Variants in CCDC60 observed in about 807,000 individuals in gnomAD.
The protein encoded by CCDC60 is coiled-coil domain containing 60.
In CCDC60, 54 loss-of-function variants were observed where a neutral mutation model predicts 63.5. The observed-to-expected ratio is 0.85, with a 90% CI of 0.68 to 1.07. The LOEUF (loss-of-function observed/expected upper bound fraction) is 1.07. Ranked by LOEUF, CCDC60 falls within the 50% of genes least tolerant of loss-of-function variation. The pLI, the probability that CCDC60 is intolerant of heterozygous loss-of-function variation, is 0.00. For missense variants in CCDC60, 651 were observed against 684.3 expected (o/e 0.95, Z 0.54); for synonymous variants, 206 against 238.8 (o/e 0.86, Z 1.27).
intron 2 of CCDC60, among the ~76,000 whole-genome samples, chr12:119,448,238 A>G (rs915192180): frequency 2.0e-5 from 3 of 152,264 alleles, no homozygotes; most frequent in African/African-American, 7.2e-5. Context: ...GATTGTGGAG[A>G]TAATGTCACA....
intron 1 of CCDC60, among the ~76,000 whole-genome samples, chr12:119,354,857 C>T (rs956061436): frequency 6.6e-6 from 1 of 152,160 alleles, no homozygotes; most frequent in African/African-American, 2.4e-5. Context: ...GAAATCTCTT[C>T]TTGGGTTAAA....
At chr12:119,446,171 A>C (rs747317073) in intron 2 of CCDC60, among the ~76,000 whole-genome samples, 2 of 152,272 alleles carry the variant, frequency 1.3e-5, no homozygotes, top group African/African-American at 2.4e-5. Flanking sequence ...AGTCTCAAAA[A>C]AAAAGCTTAC....
At position 119,408,550 on chromosome 12, in the gene CCDC60, G is replaced by A. The variant is rs150002840; in HGVS notation, c.91-20133G>A. Among the ~76,000 whole-genome samples, 34 of 152,310 alleles carry A rather than the reference G, an allele frequency of 2.2e-4. 1 individual carries two copies. The East Asian group carries it at 4.8e-3, about 22-fold the overall frequency. ...TTAAAAGTAATAGCAAGGGCTGGGC[G>A]CAGTGGCTCACACCTGTAATCTCAG... is the stretch of plus-strand genomic sequence containing the variant. On this transcript the variant is annotated intron_variant, in intron 1 of 13. Transcript: ENST00000327554.
At chr12:119,418,616 T>C (rs1956753963) in intron 1 of CCDC60, among the ~76,000 whole-genome samples, 1 of 151,986 alleles carries the variant, frequency 6.6e-6, no homozygotes, top group Admixed American at 6.6e-5. Flanking sequence ...GATTTCACCA[T>C]GTTGGTCAGG....
intron 2 of CCDC60, among the ~76,000 whole-genome samples, chr12:119,437,003 G>A (rs1950338191): frequency 6.6e-6 from 1 of 152,138 alleles, no homozygotes; most frequent in African/African-American, 2.4e-5. Flanking sequence ...CTCTCCAGTA[G>A]GCTAGTTTGC....
chr12:119,392,592 A>G lies in CCDC60; in HGVS notation c.91-36091A>G, dbSNP rs115088037. ...AGCACTCAATAAAATGACTGTTATG[A>G]TCATGGTTATCCCCAATACCAAACA... is the stretch of plus-strand genomic sequence containing the variant. On this transcript the variant is annotated intron_variant, in intron 1 of 13. Coordinates refer to ENST00000327554, the MANE Select transcript of CCDC60 (RefSeq NM_178499.5). 9.9e-3 allele frequency among the ~76,000 whole-genome samples: 1,508 copies of G among 152,314 alleles called. 21 individuals are homozygous for G. The highest frequency in any genetic ancestry group is 0.035 in the African/African-American group (1,461 of 41,564).
At chr12:119,469,785 A>T (rs1336034472) in intron 2 of CCDC60, among the ~76,000 whole-genome samples, 2 of 152,220 alleles carry the variant, frequency 1.3e-5, no homozygotes, top group African/African-American at 4.8e-5. Flanking sequence ...CACGTCAAGG[A>T]AGTTGAGATG....
intron 5 of CCDC60, among the ~76,000 whole-genome samples, chr12:119,495,580 T>C (rs1230034267): frequency 6.6e-6 from 1 of 152,224 alleles, no homozygotes; most frequent in African/African-American, 2.4e-5. Context: ...CTTTTCCAAG[T>C]TTTTGCTTCC....
chr12:119,539,425 G>T (rs1953095188), intron 13 of CCDC60, among the ~76,000 whole-genome samples: 1 of 152,238 alleles, frequency 6.6e-6, no homozygotes, highest in Non-Finnish European at 1.5e-5. Context: ...TTTGGCTACA[G>T]TGGCTTTGCT....
At chr12:119,451,637 T>C (rs1053352485) in intron 2 of CCDC60, among the ~76,000 whole-genome samples, 2 of 152,206 alleles carry the variant, frequency 1.3e-5, no homozygotes, top group African/African-American at 4.8e-5. Context: ...CCATCTAGAA[T>C]GTAGATTCTT....
chr12:119,469,293 C>G (rs2136321662), intron 2 of CCDC60, among the ~76,000 whole-genome samples: 1 of 152,274 alleles, frequency 6.6e-6, no homozygotes, highest in East Asian at 1.9e-4. Context: ...GTCACTCAGG[C>G]TGGAGTGCAG....
chr12:119,392,575 A>G (rs747958782), intron 1 of CCDC60, among the ~76,000 whole-genome samples: 1 of 152,252 alleles, frequency 6.6e-6, no homozygotes, highest in Non-Finnish European at 1.5e-5. Flanking sequence ...TAAGCACTCA[A>G]TAAAATGACT....
chr12:119,392,070 C>T (rs1213402486), intron 1 of CCDC60, among the ~76,000 whole-genome samples: 3 of 152,172 alleles, frequency 2.0e-5, no homozygotes, highest in African/African-American at 4.8e-5. Context: ...TCATAAGTAA[C>T]ATAAACCCTT....
chr12:119,478,673 T>C (rs1304088097), intron 3 of CCDC60, among the ~76,000 whole-genome samples: 1 of 141,682 alleles, frequency 7.1e-6, no homozygotes, highest in East Asian at 2.3e-4. Flanking sequence ...AATGGCACGA[T>C]CTCAGCTCAC....
intron 3 of CCDC60, among the ~76,000 whole-genome samples, chr12:119,477,233 G>A (rs566947633): frequency 1.1e-4 from 17 of 152,290 alleles, no homozygotes; most frequent in Admixed American, 2.6e-4. Context: ...CCTGGTGCCC[G>A]GAATCACATG....
intron 1 of CCDC60, among the ~76,000 whole-genome samples, chr12:119,419,377 G>T (rs184492637): frequency 6.6e-6 from 1 of 152,288 alleles, no homozygotes; most frequent in East Asian, 1.9e-4. Flanking sequence ...TCTGGGGCAG[G>T]ACATGTATGT....
intron 5 of CCDC60, among the ~76,000 whole-genome samples, chr12:119,493,302 C>T (rs1469429059): frequency 6.6e-6 from 1 of 152,100 alleles, no homozygotes; most frequent in East Asian, 1.9e-4. Context: ...ATCCCTCCCC[C>T]TTATGGATTT....
chr12:119,485,386 T>C (rs1951412072), intron 4 of CCDC60, among the ~76,000 whole-genome samples: 1 of 152,166 alleles, frequency 6.6e-6, no homozygotes, highest in Non-Finnish European at 1.5e-5. Context: ...GGACGGGGCC[T>C]CATGTGTGTC....
chr12:119,412,498 A>T (rs1206083190), intron 1 of CCDC60, among the ~76,000 whole-genome samples: 3 of 152,246 alleles, frequency 2.0e-5, no homozygotes, highest in Non-Finnish European at 4.4e-5. Flanking sequence ...TGTTTCATTT[A>T]TCCAGGATGA....
Sources: gnomAD v4.1 joint callset for allele counts (sites outside exome capture counted in the v4.1 genomes callset) on GRCh38, gnomAD v4.1.1 for gene constraint, MANE v1.5 for transcripts, NCBI Gene and HGNC (gene_info 2026-07-23, HGNC 2026-07-21) for gene names.